The following MSRA variants were observed in gnomAD, a reference collection of about 807,000 sequenced individuals.
MSRA encodes methionine sulfoxide reductase A.
In MSRA, 54 loss-of-function variants were observed where a neutral mutation model predicts 31.3. That is an observed-to-expected ratio of 1.73 (90% CI 1.39 to 2.17). The LOEUF (loss-of-function observed/expected upper bound fraction) is 2.17. MSRA is among the 30% of genes most tolerant of loss of function. The pLI is 0.00. For missense variants in MSRA, 507 were observed against 300.9 expected (o/e 1.69, Z -5.07); for synonymous variants, 169 against 116.5 (o/e 1.45, Z -2.90).
At chr8:10,139,894 G>A (rs1400388174) in intron 1 of MSRA, among the ~76,000 whole-genome samples, 1 of 152,214 alleles carries the variant, frequency 6.6e-6, no homozygotes, top group Non-Finnish European at 1.5e-5. Flanking sequence ...TGTGTGTAAA[G>A]TGCCCATATT....
intron 5 of MSRA, among the ~76,000 whole-genome samples, chr8:10,403,598 G>A (rs1807602721): frequency 6.6e-6 from 1 of 152,254 alleles, no homozygotes; most frequent in Admixed American, 6.5e-5. Flanking sequence ...GTGGGGAAAA[G>A]CATTCCCCAA....
At chr8:10,133,133 T>A (rs1286683956) in intron 1 of MSRA, among the ~76,000 whole-genome samples, 1 of 152,146 alleles carries the variant, frequency 6.6e-6, no homozygotes, top group Non-Finnish European at 1.5e-5. Context: ...GATCAATTGT[T>A]GATGAGGTAT....
chr8:10,381,016 G>A (rs1433070010), intron 5 of MSRA, among the ~76,000 whole-genome samples: 1 of 151,902 alleles, frequency 6.6e-6, no homozygotes, highest in Non-Finnish European at 1.5e-5. Flanking sequence ...TGGGTTTATG[G>A]ATAGAAAATG....
intron 5 of MSRA, among the ~76,000 whole-genome samples, chr8:10,333,556 T>C (rs56135604): frequency 6.6e-6 from 1 of 152,196 alleles, no homozygotes; most frequent in African/African-American, 2.4e-5. Context: ...TTGACCTGTC[T>C]AAGCCTAGGT....
In MSRA at chr8:10,080,060, CG is replaced by C. The variant is rs1435702586; in HGVS notation, c.142+25403del. ...GCTGATGAATTAGAACTCTAAGCCA[CG>C]CTTCTTTCTTGCATGGTCTCACTTG... On this transcript the variant is annotated intron_variant, in intron 1 of 5. Transcript: ENST00000317173. 2.6e-5 allele frequency among the ~76,000 whole-genome samples: 4 copies of C among 152,322 alleles called. No homozygotes were observed. In the East Asian group the frequency reaches 7.7e-4, roughly 29 times the overall value.
intron 5 of MSRA, among the ~76,000 whole-genome samples, chr8:10,395,003 A>G (rs1334235797): frequency 4.6e-5 from 7 of 152,190 alleles, no homozygotes. Context: ...GACCTATACA[A>G]ATGATTTCAA....
intron 5 of MSRA, among the ~76,000 whole-genome samples, chr8:10,370,325 A>C (rs1805405859): frequency 6.6e-6 from 1 of 152,234 alleles, no homozygotes; most frequent in South Asian, 2.1e-4. Flanking sequence ...CTACCAGAGT[A>C]CTGCTTCCTG....
intron 3 of MSRA, among the ~76,000 whole-genome samples, chr8:10,285,254 G>C (rs183209518): frequency 6.6e-6 from 1 of 152,036 alleles, no homozygotes; most frequent in African/African-American, 2.4e-5. Context: ...CCAATCTTAC[G>C]GAGTAGTCTT....
At chr8:10,068,746 T>C (rs1386423986) in intron 1 of MSRA, among the ~76,000 whole-genome samples, 1 of 152,230 alleles carries the variant, frequency 6.6e-6, no homozygotes, top group Non-Finnish European at 1.5e-5. Flanking sequence ...CCTTTAATAT[T>C]GAGTTAGCTA....
At chr8:10,385,260 G>A (rs779373456) in intron 5 of MSRA, among the ~76,000 whole-genome samples, 4 of 152,130 alleles carry the variant, frequency 2.6e-5, no homozygotes, top group Non-Finnish European at 5.9e-5. Context: ...GCAGCAGATG[G>A]GGAACTCAAT....
chr8:10,136,645 G>A (rs28608061), intron 1 of MSRA, among the ~76,000 whole-genome samples: 6,312 of 152,292 alleles, frequency 0.041, 314 homozygotes, highest in African/African-American at 0.11. Context: ...TTTACGTCAA[G>A]GGATACTGGT....
chr8:10,401,100 A>T (rs1807434488), intron 5 of MSRA, among the ~76,000 whole-genome samples: 1 of 25,456 alleles, frequency 3.9e-5, no homozygotes, highest in Non-Finnish European at 3.9e-4. Context: ...CACTATCAAG[A>T]ATATAAAAAA....
chr8:10,116,712 A>C (rs931776369), intron 1 of MSRA, among the ~76,000 whole-genome samples: 1 of 152,124 alleles, frequency 6.6e-6, no homozygotes, highest in African/African-American at 2.4e-5. Flanking sequence ...TCATGCCTGT[A>C]ATCTCAGCAC....
At chr8:10,321,416 C>G in intron 5 of MSRA, among the ~76,000 whole-genome samples, 1 of 152,084 alleles carries the variant, frequency 6.6e-6, no homozygotes, top group East Asian at 1.9e-4. Context: ...GTCAGTTCGA[C>G]TATGATGAGC....
At chr8:10,362,059 G>A (rs1198780397) in intron 5 of MSRA, among the ~76,000 whole-genome samples, 1 of 152,134 alleles carries the variant, frequency 6.6e-6, no homozygotes, top group East Asian at 1.9e-4. Context: ...TGGAGTGAGA[G>A]AGACCCGGGT....
intron 2 of MSRA, among the ~76,000 whole-genome samples, chr8:10,241,807 A>G (rs914209824): frequency 1.3e-5 from 2 of 152,208 alleles, no homozygotes; most frequent in Middle Eastern, 3.2e-3. Context: ...TCTGGATCCA[A>G]TTGTCAACTT....
chr8:10,325,257 C>A (rs1298005985), intron 5 of MSRA, among the ~76,000 whole-genome samples: 1 of 152,132 alleles, frequency 6.6e-6, no homozygotes, highest in Non-Finnish European at 1.5e-5. Flanking sequence ...TCAATTTTAG[C>A]AGAGTGCATC....
At chr8:10,237,461 T>C (rs1476272512) in intron 2 of MSRA, among the ~76,000 whole-genome samples, 2 of 152,252 alleles carry the variant, frequency 1.3e-5, no homozygotes, top group African/African-American at 4.8e-5. Context: ...TGACAAAATA[T>C]TTCCAAATTC....
intron 4 of MSRA, among the ~76,000 whole-genome samples, chr8:10,311,290 A>G (rs1801417298): frequency 6.6e-6 from 1 of 152,252 alleles, no homozygotes; most frequent in African/African-American, 2.4e-5. Flanking sequence ...TAACCAGGTT[A>G]AAATGGAAGG....
Sources: gnomAD v4.1 joint callset for allele counts (sites outside exome capture counted in the v4.1 genomes callset) on GRCh38, gnomAD v4.1.1 for gene constraint, MANE v1.5 for transcripts, NCBI Gene and HGNC (gene_info 2026-07-23, HGNC 2026-07-21) for gene names.